The following CCT4 variants were observed in gnomAD, a reference collection of about 807,000 sequenced individuals.
The protein encoded by CCT4 is chaperonin containing TCP1 subunit 4, also known as T-complex protein 1 subunit delta.
Under a neutral mutation model 62.5 loss-of-function variants are expected in CCT4, and 17 were observed. The observed-to-expected ratio is 0.27, with a 90% CI of 0.19 to 0.41. The LOEUF is 0.41. Ranked by LOEUF, CCT4 falls within the 10% of genes least tolerant of loss-of-function variation. CCT4 has a pLI of 1.00. For synonymous variants in CCT4, 250 were observed against 229.9 expected, an observed-to-expected ratio of 1.09 and a Z score of -0.79; for missense variants, 592 against 659.2, an observed-to-expected ratio of 0.90 and a Z score of 1.12.
Position 61,888,484 on chromosome 2 carries a change from C to T in CCT4, c.24G>A (p.Arg8=), listed in dbSNP as rs767859743. The part of the protein sequence containing the change: MPENVAP[R]SGATAGAAGG... ...CGGCAGCCCCGGCAGTCGCCCCGCTCCGGGGTGCCACATTCTCGGGCATGG... is the reference window on the plus strand; with the variant it reads ...CGGCAGCCCCGGCAGTCGCCCCGCTTCGGGGTGCCACATTCTCGGGCATGG... Residue 8 remains arginine, a synonymous_variant, in exon 1 of 14, where the codon CGG becomes CGA. Transcript: ENST00000394440. The T allele has an allele frequency of 6.2e-7, 1 of 1,611,982 alleles. No homozygotes were observed. The highest frequency in any genetic ancestry group is 8.5e-7 in the Non-Finnish European group (1 of 1,179,270).
rs183684177 is a variant in CCT4 at position 61,881,956 on chromosome 2, G to A, written c.270+1503C>T. Among the ~76,000 whole-genome samples, 220 of 148,630 alleles carry A rather than the reference G, an allele frequency of 1.5e-3. 4 individuals carry two copies. Among genetic ancestry groups the A allele is most frequent in the Admixed American group, 0.014 (210 of 14,920 alleles). On this transcript the variant is annotated intron_variant, in intron 3 of 13. Coordinates refer to ENST00000394440, the MANE Select transcript of CCT4 (RefSeq NM_006430.4). ...AGTTCCTTTTTTTTTTTTTTGAGAC[G>A]GAGTCTTACTCTGTCACCCCAAGCT...
At chr2:61,869,935 T>G (rs1668849965) in intron 12 of CCT4, among the ~76,000 whole-genome samples, 2 of 150,234 alleles carry the variant, frequency 1.3e-5, no homozygotes, top group African/African-American at 2.4e-5. Flanking sequence ...CCTGGCCACT[T>G]ATTTTTAAAT....
chr2:61,869,123 C>A (rs1668831297), intron 13 of CCT4, among the ~76,000 whole-genome samples: 1 of 118,734 alleles, frequency 8.4e-6, no homozygotes, highest in African/African-American at 3.3e-5. Context: ...GCCTGGGCAA[C>A]AGAGCAAGAC....
chr2:61,876,059 A>G, intron 8 of CCT4, 36 bp downstream of exon 8: 1 of 1,434,332 alleles, frequency 7.0e-7, no homozygotes, highest in Admixed American at 2.0e-5. Context: ...ATCCAAAATT[A>G]TCATTAAGGG....
At chr2:61,871,469 G>C (rs374347411) in intron 12 of CCT4, among the ~76,000 whole-genome samples, 26 of 152,140 alleles carry the variant, frequency 1.7e-4, no homozygotes, top group African/African-American at 5.3e-4. Context: ...TACCCATCTG[G>C]AATTTCCTCA....
At chr2:61,881,324 T>C (rs944454134) in intron 3 of CCT4, among the ~76,000 whole-genome samples, 1 of 152,062 alleles carries the variant, frequency 6.6e-6, no homozygotes, top group African/African-American at 2.4e-5. Context: ...GATAACAAAA[T>C]TTTTTTGTTA....
chr2:61,868,730 T>C (rs1299223961), intron 13 of CCT4, 24 bp from the exon 14 acceptor site: 1 of 1,540,000 alleles, frequency 6.5e-7, no homozygotes, highest in Non-Finnish European at 9.0e-7. Context: ...AACTTAGATT[T>C]CAAAACCTGT....
At chr2:61,870,191 C>G (rs886553630) in intron 12 of CCT4, among the ~76,000 whole-genome samples, 1 of 151,430 alleles carries the variant, frequency 6.6e-6, no homozygotes, top group Non-Finnish European at 1.5e-5. Flanking sequence ...GCAGAAGAAT[C>G]GCTTGAACCC....
intron 4 of CCT4, among the ~76,000 whole-genome samples, chr2:61,879,542 T>G (rs1469832195): frequency 1.3e-5 from 2 of 150,716 alleles, no homozygotes; most frequent in African/African-American, 4.9e-5. Flanking sequence ...CCTCCCAAAG[T>G]GCTGGGATTA....
chr2:61,888,241 C>G, intron 1 of CCT4, 140 bp downstream of exon 1: 3 of 998,302 alleles, frequency 3.0e-6, no homozygotes, highest in Non-Finnish European at 4.2e-6. Context: ...AATAAGGATC[C>G]CTCCACTGGG....
Position 61,880,353 on chromosome 2 carries a change from A to G in CCT4, c.312T>C (p.Asp104=). 1 of 1,607,460 alleles carries G rather than the reference A, an allele frequency of 6.2e-7. No homozygotes were observed. The highest frequency in any genetic ancestry group is 8.5e-7 in the Non-Finnish European group (1 of 1,178,184). ...CAATGATGACTACTGATGTGGTGCC[A>G]TCTCCTGCTTCTATATCTTGAGCCT... The part of the protein sequence containing the change: ...LSKAQDIEAG[D]GTTSVVIIAG... The change falls in exon 4 of 14, where the codon GAT becomes GAC. Residue 104 remains aspartate, a synonymous_variant. Coordinates refer to ENST00000394440, the MANE Select transcript of CCT4 (RefSeq NM_006430.4).
intron 12 of CCT4, among the ~76,000 whole-genome samples, chr2:61,871,712 T>A (rs1668888126): frequency 6.6e-6 from 1 of 152,250 alleles, no homozygotes. Context: ...TTTTATACAG[T>A]CTTTAGTATA....
In CCT4 at chr2:61,872,108, T is replaced by C. The variant is rs774070252; in HGVS notation, c.1465A>G (p.Lys489Glu). 3 of 1,613,426 alleles carry C rather than the reference T, an allele frequency of 1.9e-6. No individual in the cohort carries two copies. Among genetic ancestry groups the C allele is most frequent in the Admixed American group, 1.7e-5 (1 of 60,006 alleles). Residue 489 changes from lysine (K) to glutamate (E), a missense_variant, in exon 12 of 14, where the codon AAA (lysine) becomes GAA (glutamate). Lys to Glu is a moderately conservative substitution (Grantham distance 56). Coordinates refer to ENST00000394440, the MANE Select transcript of CCT4 (RefSeq NM_006430.4). ...ELRNRHAQGE[K>E]TAGINVRKGG... Reference sequence around the variant, plus strand: ...TTTCGGACATTAATGCCTGCAGTTTTTTCTCCCTGGGCATGCCGGTTTCTT... The same window carrying C: ...TTTCGGACATTAATGCCTGCAGTTTCTTCTCCCTGGGCATGCCGGTTTCTT...
chr2:61,880,795 T>A (rs1256071395), intron 3 of CCT4, among the ~76,000 whole-genome samples: 1 of 152,086 alleles, frequency 6.6e-6, no homozygotes. Context: ...AGCCTCCACC[T>A]CCTGGGCTCA....
At chr2:61,872,928 A>G in intron 10 of CCT4, 74 bp downstream of exon 10, 2 of 916,286 alleles carry the variant, frequency 2.2e-6, no homozygotes, top group Non-Finnish European at 3.6e-6. Context: ...CTCCGTCTCA[A>G]AAAAAGAAAA....
chr2:61,877,422 A>ACGACCACCG lies in CCT4; in HGVS notation c.614_615insCGGTGGTCG (p.Leu205_Arg206insGlyGlyArg). 2 of 1,495,672 alleles carry ACGACCACCG rather than the reference A, an allele frequency of 1.3e-6. No homozygotes were observed. Among genetic ancestry groups the ACGACCACCG allele is most frequent in the Non-Finnish European group, 8.9e-7 (1 of 1,118,828 alleles). The allele number at this position is 1,495,672 out of a possible 1,614,324, so 92.7% of individuals were successfully genotyped here. A position where few individuals can be genotyped will look rare whatever the true frequency, so the allele number is the denominator to read the frequency against. On this transcript the variant is annotated inframe_insertion, in exon 6 of 14. Transcript: ENST00000394440. ...GCTTCTTAACTATTTTAATATCTCT[A>ACGACCACCG]AGATCTACACTGGTGGCTGTGGCTG...
At chr2:61,878,609 T>C (rs1207508387) in intron 5 of CCT4, among the ~76,000 whole-genome samples, 2 of 152,198 alleles carry the variant, frequency 1.3e-5, no homozygotes, top group Non-Finnish European at 2.9e-5. Flanking sequence ...CAAATTAAAA[T>C]ATCTAGCTTT....
At chr2:61,883,421 A>AG in intron 3 of CCT4, 38 bp downstream of exon 3, 2 of 929,278 alleles carry the variant, frequency 2.2e-6, no homozygotes, top group Non-Finnish European at 3.1e-6. Context: ...TGTCTCAAAA[A>AG]AAAAAAAAAA....
At chr2:61,875,341 G>A (rs1668975091) in intron 8 of CCT4, among the ~76,000 whole-genome samples, 1 of 152,060 alleles carries the variant, frequency 6.6e-6, no homozygotes, top group Non-Finnish European at 1.5e-5. Context: ...CACTTTGGGA[G>A]GCTGAGGCGG....
Sources: gnomAD v4.1 joint callset for allele counts (sites outside exome capture counted in the v4.1 genomes callset) on GRCh38, gnomAD v4.1.1 for gene constraint, MANE v1.5 for transcripts, NCBI Gene and HGNC (gene_info 2026-07-23, HGNC 2026-07-21) for gene names.